Variants in ZFP14 observed in about 807,000 individuals in gnomAD.
ZFP14 encodes ZFP14 zinc finger protein, also known as zinc finger protein 14 homolog.
A neutral mutation model predicts 54.5 loss-of-function variants in ZFP14; 22 were observed. The observed-to-expected ratio is 0.40, with a 90% CI of 0.29 to 0.58. The LOEUF (loss-of-function observed/expected upper bound fraction) is 0.58. Ranked by LOEUF, ZFP14 falls within the 20% of genes least tolerant of loss-of-function variation. The probability of loss-of-function intolerance (pLI) is 0.39; values close to 1 mark genes in which losing one functional copy is unlikely to be tolerated. For missense variants in ZFP14, 470 were observed against 637.8 expected (o/e 0.74, Z 2.83); for synonymous variants, 159 against 204.0 (o/e 0.78, Z 1.88).
At chr19:36,366,986 T>G (rs545941990) in intron 2 of ZFP14, among the ~76,000 whole-genome samples, 13 of 152,118 alleles carry the variant, frequency 8.5e-5, no homozygotes, top group African/African-American at 3.1e-4. Context: ...AAATCCCATC[T>G]CTACTAAAAA....
At position 36,340,149 on chromosome 19, in the gene ZFP14, G is replaced by A. The variant is rs2031281977; in HGVS notation, c.*75C>T. On this transcript the variant is annotated 3_prime_UTR_variant, in exon 5 of 5. Coordinates refer to ENST00000270001, the MANE Select transcript of ZFP14 (RefSeq NM_020917.3). The surrounding 1 kb of genome is among the most constrained non-coding windows in gnomAD (Gnocchi z 5.4). ...TAAAATTTATTATGCTTGGAATTGA[G>A]CATGAAACACATTTTCTCAAAAATG... The A allele has an allele frequency of 2.2e-6, 3 of 1,391,230 alleles. No homozygotes were observed. In the East Asian group the frequency reaches 7.1e-5, roughly 33 times the overall value. The allele number at this position is 1,391,230 out of a possible 1,614,324, so 86.2% of individuals were successfully genotyped here.
At chr19:36,374,811 C>T (rs2031935024) in intron 1 of ZFP14, among the ~76,000 whole-genome samples, 1 of 152,204 alleles carries the variant, frequency 6.6e-6, no homozygotes, top group African/African-American at 2.4e-5. Context: ...CGCACCACCA[C>T]ATTAAACAGA....
Position 36,354,585 on chromosome 19 carries a change from C to T in ZFP14, c.235+5850G>A, listed in dbSNP as rs946288658. On this transcript the variant is annotated intron_variant, in intron 4 of 4. Transcript: ENST00000270001. The stretch of plus-strand genomic sequence containing the variant: ...ATTTGCTGTTCTCTGCCAGGAATGC[C>T]GTTGCTTTAGATATTCATATGGCCT... Among the ~76,000 whole-genome samples, 3 of 141,950 alleles carry T rather than the reference C, an allele frequency of 2.1e-5. 1 individual carries two copies. The highest frequency in any genetic ancestry group is 7.3e-5 in the Admixed American group (1 of 13,630). 93.1% of individuals were successfully genotyped at this position (141,950 alleles called of 152,430 possible).
intron 4 of ZFP14, among the ~76,000 whole-genome samples, chr19:36,342,146 C>T (rs977858688): frequency 1.4e-5 from 2 of 145,296 alleles, no homozygotes; most frequent in Non-Finnish European, 3.0e-5. Flanking sequence ...TGAGCCACTG[C>T]GCCCGGCGAG....
intron 1 of ZFP14, among the ~76,000 whole-genome samples, chr19:36,371,059 G>A (rs1425789680): frequency 2.6e-5 from 4 of 151,950 alleles, no homozygotes; most frequent in Admixed American, 6.6e-5. Flanking sequence ...TCAGGAGATC[G>A]AGTCCATCCT....
rs1216336560 is a variant in ZFP14 at position 36,335,964 on chromosome 19, A to C, written c.*4260T>G. On this transcript the variant is annotated 3_prime_UTR_variant, in exon 5 of 5. Coordinates refer to ENST00000270001, the MANE Select transcript of ZFP14 (RefSeq NM_020917.3). ...TGGTCAGGCTGGTCTCGAACTCCTG[A>C]CTTCAAGTGATCCACCCACCTCGGC... 1 of 151,956 alleles carries C rather than the reference A, an allele frequency of 6.6e-6. No individual in the cohort carries two copies. Among genetic ancestry groups the C allele is most frequent in the Admixed American group, 6.6e-5 (1 of 15,254 alleles). The allele number at this position is 151,956 out of a possible 1,614,324, so 9.4% of individuals were successfully genotyped here.
At chr19:36,356,761 C>CT (rs2031621488) in intron 4 of ZFP14, among the ~76,000 whole-genome samples, 5 of 152,094 alleles carry the variant, frequency 3.3e-5, no homozygotes, top group African/African-American at 1.2e-4. Flanking sequence ...GATTTTGTCA[C>CT]TCAGCATAAT....
intron 4 of ZFP14, among the ~76,000 whole-genome samples, chr19:36,342,495 G>A (rs1024132885): frequency 4.6e-5 from 7 of 152,024 alleles, no homozygotes; most frequent in African/African-American, 1.7e-4. Context: ...CCAATTCTAT[G>A]CATCTTTAAT....
chr19:36,335,345 C>T lies in ZFP14; in HGVS notation c.*4879G>A, dbSNP rs2031172571. 1 of 151,852 alleles carries T rather than the reference C, an allele frequency of 6.6e-6. No homozygotes were observed. The highest frequency in any genetic ancestry group is 2.1e-4 in the South Asian group (1 of 4,792). 9.4% of individuals were successfully genotyped at this position (151,852 alleles called of 1,614,324 possible). A position where few individuals can be genotyped will look rare whatever the true frequency, so the allele number is the denominator to read the frequency against. On this transcript the variant is annotated 3_prime_UTR_variant, in exon 5 of 5. Coordinates refer to ENST00000270001, the MANE Select transcript of ZFP14 (RefSeq NM_020917.3). ...TGGTGCTTGGGAAAAGAAACACTGA[C>T]CTATTAGCAAAGATAGATTTTGTAA...
chr19:36,339,243 T>C lies in ZFP14; in HGVS notation c.*981A>G, dbSNP rs540078884. 1 of 152,336 alleles carries C rather than the reference T, an allele frequency of 6.6e-6. No individual in the cohort carries two copies. The highest frequency in any genetic ancestry group is 2.1e-4 in the South Asian group (1 of 4,830). The allele number at this position is 152,336 out of a possible 1,614,324, so 9.4% of individuals were successfully genotyped here. A position where few individuals can be genotyped will look rare whatever the true frequency, so the allele number is the denominator to read the frequency against. On this transcript the variant is annotated 3_prime_UTR_variant, in exon 5 of 5. Transcript: ENST00000270001. ...AATTCACTAATACTAATGACAATAATAACAATTACAGATAATATTTACAGA... is the reference window on the plus strand; with the variant it reads ...AATTCACTAATACTAATGACAATAACAACAATTACAGATAATATTTACAGA...
At chr19:36,362,916 A>T (rs1453341514) in intron 2 of ZFP14, 1 of 216,514 alleles carries the variant, frequency 4.6e-6, no homozygotes, top group East Asian at 1.6e-4. Context: ...TCTTTAGTAA[A>T]CTTTCAAAAA....
At chr19:36,369,323 G>T (rs910301076) in intron 1 of ZFP14, among the ~76,000 whole-genome samples, 2 of 152,160 alleles carry the variant, frequency 1.3e-5, no homozygotes, top group African/African-American at 4.8e-5. Flanking sequence ...ATGCCCAGGG[G>T]TCAAATCAGT....
intron 1 of ZFP14, among the ~76,000 whole-genome samples, chr19:36,370,624 C>T (rs933263116): frequency 2.0e-5 from 3 of 152,240 alleles, no homozygotes; most frequent in African/African-American, 7.2e-5. Flanking sequence ...AGCACTGCAC[C>T]AGCCAGAGTG....
In ZFP14 at chr19:36,340,788, T is replaced by C; in HGVS notation, c.1038A>G (p.Gly346=). 1 of 1,613,806 alleles carries C rather than the reference T, an allele frequency of 6.2e-7. No individual in the cohort carries two copies. The highest frequency in any genetic ancestry group is 8.5e-7 in the Non-Finnish European group (1 of 1,179,936). The part of the protein sequence containing the change: ...GEKPYECKEC[G]KAFRICQQLT... ...GTTGTTGGCATATTCTAAAAGCCTT[T>C]CCACACTCCTTACATTCATAGGGTT... Residue 346 remains glycine, a synonymous_variant, in exon 5 of 5, where the codon GGA becomes GGG. Coordinates refer to ENST00000270001, the MANE Select transcript of ZFP14 (RefSeq NM_020917.3). This position sits in a 1 kb window ranked among gnomAD's most constrained non-coding sequence, Gnocchi z 5.4.
intron 4 of ZFP14, among the ~76,000 whole-genome samples, chr19:36,342,175 C>CTTTTTTTTT (rs35293783): frequency 1.3e-5 from 1 of 74,608 alleles, no homozygotes; most frequent in Non-Finnish European, 2.4e-5. Flanking sequence ...CATTCTATGC[C>CTTTTTTTTT]TTTTTTTTTT....
chr19:36,376,034 T>C (rs2145566662), intron 1 of ZFP14, among the ~76,000 whole-genome samples: 1 of 152,194 alleles, frequency 6.6e-6, no homozygotes, highest in Middle Eastern at 3.4e-3. Flanking sequence ...ATATTTGGTA[T>C]ACTGTTGTAA....
rs908933994 is a variant in ZFP14 at position 36,334,937 on chromosome 19, A to G, written c.*5287T>C. 6.6e-6 allele frequency: 1 copy of G among 152,128 alleles called. No homozygotes were observed. The highest frequency in any genetic ancestry group is 2.4e-5 in the African/African-American group (1 of 41,418). The allele number at this position is 152,128 out of a possible 1,614,324, so 9.4% of individuals were successfully genotyped here. ...TTGCCCAGGTTGGAGTGCAATGGCA[A>G]AATCTCAGCTCACTGCAATCTCCAT... On this transcript the variant is annotated 3_prime_UTR_variant, in exon 5 of 5. Coordinates refer to ENST00000270001, the MANE Select transcript of ZFP14 (RefSeq NM_020917.3).
At position 36,339,935 on chromosome 19, in the gene ZFP14, G is replaced by C. The variant is rs180878505; in HGVS notation, c.*289C>G. On this transcript the variant is annotated 3_prime_UTR_variant, in exon 5 of 5. Transcript: ENST00000270001. ...ACCATTTTACAAGTCAGCAAAATGA[G>C]GCACAGAAGCTTAGTATCTTGTCCA... is the stretch of plus-strand genomic sequence containing the variant. The C allele has an allele frequency of 9.3e-4, 257 of 276,060 alleles. 2 individuals carry two copies. Among genetic ancestry groups the C allele is most frequent in the African/African-American group, 5.2e-3 (237 of 45,518 alleles). The allele number at this position is 276,060 out of a possible 1,614,324, so 17.1% of individuals were successfully genotyped here.
chr19:36,366,785 C>T (rs1328242048), intron 2 of ZFP14, among the ~76,000 whole-genome samples: 1 of 152,180 alleles, frequency 6.6e-6, no homozygotes, highest in Non-Finnish European at 1.5e-5. Flanking sequence ...ATTCATCCAG[C>T]CATACACTTA....
Sources: gnomAD v4.1 joint callset for allele counts (sites outside exome capture counted in the v4.1 genomes callset) on GRCh38, gnomAD v4.1.1 for gene constraint, Gnocchi (gnomAD v3.1) non-coding constraint, MANE v1.5 for transcripts, NCBI Gene and HGNC (gene_info 2026-07-23, HGNC 2026-07-21) for gene names.